The following SV2B variants were observed in gnomAD, a reference collection of about 807,000 sequenced individuals.
SV2B encodes synaptic vesicle glycoprotein 2B.
A neutral mutation model predicts 73.9 loss-of-function variants in SV2B; 41 were observed. That is an observed-to-expected ratio of 0.56 (90% CI 0.43 to 0.72). The LOEUF is 0.72. SV2B is among the 30% of genes least tolerant of loss of function. The probability of loss-of-function intolerance (pLI) is 0.00; values close to 1 mark genes in which losing one functional copy is unlikely to be tolerated. For missense variants in SV2B, 764 were observed against 857.8 expected (o/e 0.89, Z 1.37); for synonymous variants, 314 against 314.2 (o/e 1.00, Z 0.01).
At chr15:91,104,414 T>A (rs1171050988) in intron 1 of SV2B, among the ~76,000 whole-genome samples, 2 of 152,236 alleles carry the variant, frequency 1.3e-5, no homozygotes, top group Non-Finnish European at 2.9e-5. Flanking sequence ...TATGGCCTCT[T>A]GAGGCCTAAG....
At chr15:91,175,125 C>G (rs75770669) in intron 1 of SV2B, among the ~76,000 whole-genome samples, 24,636 of 152,218 alleles carry the variant, frequency 0.16, 2,659 homozygotes, top group Non-Finnish European at 0.24. Context: ...AAGTGTTTGT[C>G]AGAGCAAATG....
chr15:91,168,851 C>T (rs1025549276), intron 1 of SV2B, among the ~76,000 whole-genome samples: 3 of 152,134 alleles, frequency 2.0e-5, no homozygotes, highest in Non-Finnish European at 4.4e-5. Context: ...TCTATCTTTT[C>T]CAGAACCAGA....
At position 91,265,966 on chromosome 15, in the gene SV2B, C is replaced by T. The variant is rs2048085260; in HGVS notation, c.1009-616C>T. ...GACCATCCTGGCCAACATGGTGAAA[C>T]CCTGTCTCTATTAAAAAATACAAAA... On this transcript the variant is annotated intron_variant, in intron 6 of 12. Coordinates refer to ENST00000394232, the MANE Select transcript of SV2B (RefSeq NM_001323032.3). This position sits in a 1 kb window ranked among gnomAD's most constrained non-coding sequence, Gnocchi z 4.2. 6.6e-6 allele frequency among the ~76,000 whole-genome samples: 1 copy of T among 152,162 alleles called. No homozygotes were observed.
At chr15:91,191,803 CAGTT>C (rs1355060417) in intron 1 of SV2B, among the ~76,000 whole-genome samples, 1 of 152,168 alleles carries the variant, frequency 6.6e-6, no homozygotes, top group African/African-American at 2.4e-5. Flanking sequence ...ATCTTTTAAT[CAGTT>C]AGTTTGACTT....
chr15:91,296,613 C>CTTCTGCCTGATCGTTGGGAGCACACTCT lies in SV2B; in HGVS notation c.*4087_*4114dup, dbSNP rs1266253362. On this transcript the variant is annotated 3_prime_UTR_variant, in exon 13 of 13. Transcript: ENST00000394232. ...CTGCCTGATCATTGGGAGCACGCTC[C>CTTCTGCCTGATCGTTGGGAGCACACTCT]TTCTGCCTGATCGTTGGGAGCACAC... 6.6e-6 allele frequency: 1 copy of CTTCTGCCTGATCGTTGGGAGCACACTCT among 151,182 alleles called. No individual in the cohort carries two copies. Among genetic ancestry groups the CTTCTGCCTGATCGTTGGGAGCACACTCT allele is most frequent in the African/African-American group, 2.5e-5 (1 of 39,914 alleles). 9.4% of individuals were successfully genotyped at this position (151,182 alleles called of 1,614,324 possible).
rs148409103 is a variant in SV2B, at chr15:91,197,057, T to G, written c.-391-28816T>G. 0.012 allele frequency among the ~76,000 whole-genome samples: 1,804 copies of G among 152,344 alleles called. 39 individuals carry two copies. The highest frequency in any genetic ancestry group is 0.042 in the African/African-American group (1,727 of 41,570). ...GCTCCGCCTGCCGGCTGTGGCAGCC[T>G]TTAGCCCATAGATGCTGATCTTTGA... On this transcript the variant is annotated intron_variant, in intron 1 of 12. Transcript: ENST00000394232. The surrounding 1 kb of genome is among the most constrained non-coding windows in gnomAD (Gnocchi z 4.9).
chr15:91,159,728 G>A (rs2043642770), intron 1 of SV2B, among the ~76,000 whole-genome samples: 1 of 151,996 alleles, frequency 6.6e-6, no homozygotes, highest in Admixed American at 6.6e-5. Flanking sequence ...TAAATGATTT[G>A]ACTATAAATA....
chr15:91,148,221 T>G (rs931894962), intron 1 of SV2B, among the ~76,000 whole-genome samples: 1 of 152,016 alleles, frequency 6.6e-6, no homozygotes, highest in Non-Finnish European at 1.5e-5. Flanking sequence ...CCTCATGATC[T>G]GCCTGCCTTG....
rs982286127 is a variant in SV2B, at chr15:91,121,835, C to T, written c.-392+21472C>T. On this transcript the variant is annotated intron_variant, in intron 1 of 12. Transcript: ENST00000394232. This position sits in a 1 kb window ranked among gnomAD's most constrained non-coding sequence, Gnocchi z 4.4. ...TGTCACCCAGGCTGGAGTGCAGTGGCGCGATCTCGGCTCACTGCAAGCTCT... is the reference window on the plus strand; with the variant it reads ...TGTCACCCAGGCTGGAGTGCAGTGGTGCGATCTCGGCTCACTGCAAGCTCT... Among the ~76,000 whole-genome samples, 10 of 149,506 alleles carry T rather than the reference C, an allele frequency of 6.7e-5. No homozygotes were observed. The highest frequency in any genetic ancestry group is 4.7e-4 in the Admixed American group (7 of 14,918).
chr15:91,105,084 C>T lies in SV2B; in HGVS notation c.-392+4721C>T, dbSNP rs1349839125. 1.3e-5 allele frequency among the ~76,000 whole-genome samples: 2 copies of T among 152,214 alleles called. No individual in the cohort carries two copies. The highest frequency in any genetic ancestry group is 2.9e-5 in the Non-Finnish European group (2 of 68,040). Reference sequence around the variant, plus strand: ...ATGTATGTATCTTTAGATAATCATTCATTCACTAAATAAATATTTATTGAG... The same window carrying T: ...ATGTATGTATCTTTAGATAATCATTTATTCACTAAATAAATATTTATTGAG... On this transcript the variant is annotated intron_variant, in intron 1 of 12. Transcript: ENST00000394232. This position sits in a 1 kb window ranked among gnomAD's most constrained non-coding sequence, Gnocchi z 5.5.
At chr15:91,127,528 G>A (rs989794080) in intron 1 of SV2B, among the ~76,000 whole-genome samples, 3 of 152,160 alleles carry the variant, frequency 2.0e-5, no homozygotes, top group African/African-American at 7.2e-5. Context: ...GGTTTAGAAA[G>A]CAGATTGTCC....
In SV2B at chr15:91,289,731, C is replaced by T. The variant is rs1332445311; in HGVS notation, c.1868+51C>T. Reference sequence around the variant, plus strand: ...AGGGACTTGTTTGGGCTTCTTTGGCCAGAAGTCTACCTGCTCCCTAAATCT... The same window carrying T: ...AGGGACTTGTTTGGGCTTCTTTGGCTAGAAGTCTACCTGCTCCCTAAATCT... On this transcript the variant is annotated intron_variant, in intron 12 of 12. Coordinates refer to ENST00000394232, the MANE Select transcript of SV2B (RefSeq NM_001323032.3). This position sits in a 1 kb window ranked among gnomAD's most constrained non-coding sequence, Gnocchi z 4.9. The T allele has an allele frequency of 1.3e-6, 2 of 1,577,512 alleles. No individual in the cohort carries two copies. The highest frequency in any genetic ancestry group is 2.3e-5 in the East Asian group (1 of 44,294).
chr15:91,144,685 C>T (rs994391783), intron 1 of SV2B, among the ~76,000 whole-genome samples: 5 of 152,208 alleles, frequency 3.3e-5, no homozygotes, highest in Non-Finnish European at 7.3e-5. Flanking sequence ...AACAGCGGGA[C>T]AGCTCTCAGA....
In SV2B at chr15:91,110,292, G is replaced by A. The variant is rs551907521; in HGVS notation, c.-392+9929G>A. Among the ~76,000 whole-genome samples the A allele has an allele frequency of 1.3e-5, 2 of 152,310 alleles. No homozygotes were observed. Among genetic ancestry groups the A allele is most frequent in the South Asian group, 2.1e-4 (1 of 4,824 alleles). ...GGTCAAAGCTCAGGTCGGGGCTGTA[G>A]CAATGTTAAGTTTGTATGAGAGGCC... On this transcript the variant is annotated intron_variant, in intron 1 of 12. Transcript: ENST00000394232. This position sits in a 1 kb window ranked among gnomAD's most constrained non-coding sequence, Gnocchi z 5.4.
intron 1 of SV2B, among the ~76,000 whole-genome samples, chr15:91,120,221 G>T (rs1208764375): frequency 6.6e-6 from 1 of 152,170 alleles, no homozygotes. Context: ...ATGACTGGGA[G>T]GCCTCAGGAA....
chr15:91,287,672 GC>G (rs2141791594), intron 11 of SV2B, among the ~76,000 whole-genome samples: 1 of 152,314 alleles, frequency 6.6e-6, no homozygotes, highest in East Asian at 1.9e-4. Context: ...CCTGCTGGGA[GC>G]CCTGCGAGGC....
At chr15:91,188,878 G>A (rs955530891) in intron 1 of SV2B, among the ~76,000 whole-genome samples, 2 of 152,044 alleles carry the variant, frequency 1.3e-5, no homozygotes, top group African/African-American at 4.8e-5. Flanking sequence ...CCAGGCAGGA[G>A]TGCAGTGGTG....
At chr15:91,193,028 A>G (rs2045100313) in intron 1 of SV2B, among the ~76,000 whole-genome samples, 1 of 152,016 alleles carries the variant, frequency 6.6e-6, no homozygotes, top group Non-Finnish European at 1.5e-5. Flanking sequence ...AAATCTATCT[A>G]CTCATTTGTT....
intron 9 of SV2B, among the ~76,000 whole-genome samples, chr15:91,273,743 A>G (rs1165351471): frequency 6.6e-6 from 1 of 152,174 alleles, no homozygotes; most frequent in East Asian, 1.9e-4. Flanking sequence ...ATAAAATCAT[A>G]AACTATGTTT....
Sources: allele counts gnomAD v4.1 joint callset (sites outside exome capture counted in the v4.1 genomes callset), GRCh38; gene constraint gnomAD v4.1.1; non-coding constraint Gnocchi (gnomAD v3.1); transcripts MANE v1.5; gene names NCBI Gene and HGNC (gene_info 2026-07-23, HGNC 2026-07-21).